The following CYTIP variants were observed in gnomAD, a reference collection of about 807,000 sequenced individuals.
CYTIP encodes cytohesin 1 interacting protein.
CYTIP carries 26 observed loss-of-function variants against 43.8 expected under a neutral mutation model. The ratio of observed to expected loss-of-function variants is 0.59; its 90% CI spans 0.44 to 0.82. The LOEUF is 0.82. Ranked by LOEUF, CYTIP falls within the 40% of genes least tolerant of loss-of-function variation. CYTIP has a pLI of 0.00. For missense variants in CYTIP, 426 were observed against 443.1 expected (o/e 0.96, Z 0.35); for synonymous variants, 162 against 162.9 (o/e 0.99, Z 0.04).
intron 6 of CYTIP, among the ~76,000 whole-genome samples, chr2:157,420,650 CAAAAAAAAA>C (rs56029960): frequency 1.4e-5 from 1 of 70,098 alleles, no homozygotes; most frequent in African/African-American, 5.7e-5. Flanking sequence ...GACCCTGCCA[CAAAAAAAAA>C]AAAAAAAAAA....
intron 6 of CYTIP, among the ~76,000 whole-genome samples, chr2:157,422,670 CAA>C (rs967207257): frequency 3.4e-4 from 22 of 64,518 alleles, no homozygotes; most frequent in East Asian, 1.8e-3. Flanking sequence ...AACTCTGTCT[CAA>C]AAAAAAAAAA....
In CYTIP at chr2:157,434,764, A is replaced by G. The variant is rs2105143467; in HGVS notation, c.175-17T>C. ...CAAAGCAAGCTGAAAAACACAAAAG[A>G]CATATAGTTATCCCAGGGTCTTCAA... On this transcript the variant is annotated splice_polypyrimidine_tract_variant and intron_variant, in intron 1 of 7. Transcript: ENST00000264192. 1.2e-6 allele frequency: 2 copies of G among 1,606,138 alleles called. No homozygotes were observed. Among genetic ancestry groups the G allele is most frequent in the Non-Finnish European group, 8.5e-7 (1 of 1,174,472 alleles).
intron 6 of CYTIP, among the ~76,000 whole-genome samples, chr2:157,424,553 T>A (rs1223137133): frequency 6.6e-6 from 1 of 152,066 alleles, no homozygotes; most frequent in Non-Finnish European, 1.5e-5. Flanking sequence ...GAGCCAGGAA[T>A]GGTGGCTCAA....
At chr2:157,431,610 G>T (rs1159144540) in intron 3 of CYTIP, among the ~76,000 whole-genome samples, 1 of 152,064 alleles carries the variant, frequency 6.6e-6, no homozygotes, top group Non-Finnish European at 1.5e-5. Context: ...GTGGTGGTGG[G>T]TTTTTTTATT....
In CYTIP at chr2:157,418,570, C is replaced by A; in HGVS notation, c.566G>T (p.Trp189Leu). ...QVLKQTLKQKWVEYRSLQLQE... is the reference protein window; with the variant it reads ...QVLKQTLKQKLVEYRSLQLQE... ...TAACTGCAGAGATCTGTACTCCACC[C>A]ATTTTTGTTTCAAAGTTTGCTGTGA... Residue 189 changes from tryptophan to leucine, a missense_variant, in exon 7 of 8, where the codon TGG (tryptophan) becomes TTG (leucine). By Grantham distance (61) the Trp-to-Leu change is moderately conservative. Coordinates refer to ENST00000264192, the MANE Select transcript of CYTIP (RefSeq NM_004288.5). 6.4e-7 allele frequency: 1 copy of A among 1,559,488 alleles called. No homozygotes were observed.
At chr2:157,422,696 T>C (rs571548626) in intron 6 of CYTIP, among the ~76,000 whole-genome samples, 1 of 148,434 alleles carries the variant, frequency 6.7e-6, no homozygotes, top group Admixed American at 6.7e-5. Flanking sequence ...AAGAAAAGTG[T>C]CCAAAAAAGA....
At chr2:157,441,738 C>T (rs1685922323) in intron 1 of CYTIP, among the ~76,000 whole-genome samples, 1 of 152,164 alleles carries the variant, frequency 6.6e-6, no homozygotes, top group Admixed American at 6.5e-5. Context: ...TTCACTCTGG[C>T]TTAAAACCAG....
At chr2:157,439,998 AG>A (rs1685877705) in intron 1 of CYTIP, among the ~76,000 whole-genome samples, 1 of 152,194 alleles carries the variant, frequency 6.6e-6, no homozygotes, top group South Asian at 2.1e-4. Flanking sequence ...AGAAGCTCAA[AG>A]TTCAACACTT....
rs148382735 is a variant in CYTIP, at chr2:157,423,860, C to T, written c.546+3491G>A. On this transcript the variant is annotated intron_variant, in intron 6 of 7. Transcript: ENST00000264192. Reference sequence around the variant, plus strand: ...TTAGAATATATTTAAATTTCATTCACATATTGACAGAATTTTTTCAAATGA... The same window carrying T: ...TTAGAATATATTTAAATTTCATTCATATATTGACAGAATTTTTTCAAATGA... Among the ~76,000 whole-genome samples, 232 of 152,142 alleles carry T rather than the reference C, an allele frequency of 1.5e-3. 1 individual carries two copies. Among genetic ancestry groups the T allele is most frequent in the African/African-American group, 5.4e-3 (225 of 41,532 alleles).
At chr2:157,438,910 T>C in intron 1 of CYTIP, 1 of 403,498 alleles carries the variant, frequency 2.5e-6, no homozygotes, top group Non-Finnish European at 5.3e-6. Context: ...AATCAGTGCA[T>C]CTATTAGGAA....
intron 5 of CYTIP, among the ~76,000 whole-genome samples, chr2:157,429,882 G>A (rs992524043): frequency 6.6e-6 from 1 of 152,048 alleles, no homozygotes; most frequent in Non-Finnish European, 1.5e-5. Context: ...AATTAGCCGG[G>A]CATGGTGGTG....
intron 6 of CYTIP, among the ~76,000 whole-genome samples, chr2:157,426,095 AT>A (rs2105137173): frequency 6.6e-6 from 1 of 152,166 alleles, no homozygotes; most frequent in East Asian, 1.9e-4. Flanking sequence ...TTTAAACAAA[AT>A]CATTAGCAAT....
chr2:157,440,497 T>C (rs1486510484), intron 1 of CYTIP, among the ~76,000 whole-genome samples: 1 of 152,202 alleles, frequency 6.6e-6, no homozygotes. Flanking sequence ...AAAATTGTCA[T>C]GAGGTGATTA....
intron 6 of CYTIP, among the ~76,000 whole-genome samples, chr2:157,426,046 T>C (rs1685602463): frequency 6.6e-6 from 1 of 151,862 alleles, no homozygotes; most frequent in South Asian, 2.1e-4. Flanking sequence ...AAAATTATTA[T>C]TAGAATAAAG....
At chr2:157,440,551 T>G (rs904837760) in intron 1 of CYTIP, among the ~76,000 whole-genome samples, 1 of 152,166 alleles carries the variant, frequency 6.6e-6, no homozygotes. Flanking sequence ...TTACGGCACC[T>G]GATGGGTGTG....
intron 6 of CYTIP, among the ~76,000 whole-genome samples, chr2:157,419,066 T>C (rs1266236366): frequency 7.2e-5 from 11 of 152,170 alleles, no homozygotes; most frequent in Admixed American, 5.9e-4. Context: ...ACCATCAACA[T>C]ACAAGCCCAA....
Position 157,430,930 on chromosome 2 carries a change from G to A in CYTIP, c.312C>T (p.Ser104=). Residue 104 remains serine (S), a synonymous_variant, in exon 4 of 8, where the codon TCC becomes TCT. Coordinates refer to ENST00000264192, the MANE Select transcript of CYTIP (RefSeq NM_004288.5). The part of the protein sequence containing the change: ...SYRPQNQNAC[S]SEMFTLICKI... ...TGCATATCAAAGTGAACATTTCCGAGGAGCAGGCATTCTGATTCTGGGGCC... is the reference window on the plus strand; with the variant it reads ...TGCATATCAAAGTGAACATTTCCGAAGAGCAGGCATTCTGATTCTGGGGCC... The A allele has an allele frequency of 6.2e-7, 1 of 1,613,796 alleles. No individual in the cohort carries two copies. Among genetic ancestry groups the A allele is most frequent in the Non-Finnish European group, 8.5e-7 (1 of 1,179,912 alleles).
intron 1 of CYTIP, among the ~76,000 whole-genome samples, chr2:157,441,603 TACACACACACACACAC>T (rs35513959): frequency 1.1e-4 from 16 of 148,520 alleles, no homozygotes; most frequent in African/African-American, 3.7e-4. Context: ...TATATGCACA[TACACACACACACACAC>T]ACACACACAC....
intron 1 of CYTIP, among the ~76,000 whole-genome samples, chr2:157,436,126 C>A (rs891149611): frequency 6.6e-6 from 1 of 152,178 alleles, no homozygotes; most frequent in Admixed American, 6.5e-5. Flanking sequence ...TCACTTATAT[C>A]GCAATGGAGA....
Sources: allele counts gnomAD v4.1 joint callset (sites outside exome capture counted in the v4.1 genomes callset), GRCh38; gene constraint gnomAD v4.1.1; transcripts MANE v1.5; gene names NCBI Gene and HGNC (gene_info 2026-07-23, HGNC 2026-07-21).